DNAH12: variants seen among roughly 807,000 people sequenced by gnomAD.
DNAH12 encodes dynein axonemal heavy chain 12.
Under a neutral mutation model 371.5 loss-of-function variants are expected in DNAH12, and 285 were observed. That is an observed-to-expected ratio of 0.77 (90% CI 0.70 to 0.85). The LOEUF (loss-of-function observed/expected upper bound fraction) is 0.85. DNAH12 is among the 40% of genes least tolerant of loss of function. The pLI, the probability that DNAH12 is intolerant of heterozygous loss-of-function variation, is 0.00. For synonymous variants in DNAH12, 1,200 were observed against 1,213.0 expected, an observed-to-expected ratio of 0.99 and a Z score of 0.22; for missense variants, 3,611 against 3,689.4, an observed-to-expected ratio of 0.98 and a Z score of 0.55.
intron 2 of DNAH12, among the ~76,000 whole-genome samples, chr3:57,527,339 A>T (rs1434655506): frequency 1.3e-5 from 2 of 152,198 alleles, no homozygotes; most frequent in Non-Finnish European, 2.9e-5. Flanking sequence ...TCCAAAAAAC[A>T]AAAACAAAGG....
At chr3:57,504,850 CTTT>C (rs2067691267) in intron 8 of DNAH12, among the ~76,000 whole-genome samples, 1 of 151,718 alleles carries the variant, frequency 6.6e-6, no homozygotes, top group Non-Finnish European at 1.5e-5. Flanking sequence ...ATTCTTTTTT[CTTT>C]TCTTTTTTTC....
At chr3:57,459,811 A>G in intron 19 of DNAH12, 25 bp from the exon 20 acceptor site, 1 of 1,329,410 alleles carries the variant, frequency 7.5e-7, no homozygotes, top group South Asian at 2.2e-5. Flanking sequence ...TACTGCACTA[A>G]ATTCTAGTTA....
At chr3:57,448,167 C>T (rs928784342) in intron 25 of DNAH12, among the ~76,000 whole-genome samples, 2 of 152,168 alleles carry the variant, frequency 1.3e-5, no homozygotes, top group Admixed American at 6.5e-5. Context: ...AATGAAGCCG[C>T]GGACCCTCGA....
At chr3:57,365,080 A>G (rs2063018443) in intron 57 of DNAH12, among the ~76,000 whole-genome samples, 1 of 152,204 alleles carries the variant, frequency 6.6e-6, no homozygotes, top group South Asian at 2.1e-4. Flanking sequence ...AACCAGATAT[A>G]CCATTTGACA....
chr3:57,548,819 TAA>T (rs1287750361), upstream of DNAH12: 1 of 152,198 alleles, frequency 6.6e-6, no homozygotes, highest in Non-Finnish European at 1.5e-5. Context: ...AGTGAAAATT[TAA>T]AAGATTTTAC....
chr3:57,477,914 C>A (rs2066593825), intron 13 of DNAH12, among the ~76,000 whole-genome samples: 1 of 152,098 alleles, frequency 6.6e-6, no homozygotes, highest in Non-Finnish European at 1.5e-5. Context: ...TACACCAAAA[C>A]CCCATCTGTA....
At chr3:57,329,642 A>G (rs1199078730) in intron 62 of DNAH12, among the ~76,000 whole-genome samples, 7 of 148,174 alleles carry the variant, frequency 4.7e-5, no homozygotes, top group African/African-American at 1.5e-4. Flanking sequence ...CATTCAGGAC[A>G]TAGGCATGGT....
chr3:57,508,819 G>C (rs1016794200), intron 6 of DNAH12, among the ~76,000 whole-genome samples: 1 of 152,150 alleles, frequency 6.6e-6, no homozygotes. Context: ...CTGTGCTTTG[G>C]CTCAGTTATC....
At chr3:57,309,283 A>G (rs1042622910) in intron 68 of DNAH12, 29 bp from the exon 69 acceptor site, 2 of 1,497,702 alleles carry the variant, frequency 1.3e-6, no homozygotes, top group Non-Finnish European at 1.8e-6. Flanking sequence ...AAGATCACAA[A>G]TTATTCTCAG....
intron 1 of DNAH12, among the ~76,000 whole-genome samples, chr3:57,543,319 T>TTC (rs2069380196): frequency 7.9e-6 from 1 of 126,654 alleles, no homozygotes; most frequent in South Asian, 2.7e-4. Context: ...TTAATGGTTT[T>TTC]TTTTTTTTTT....
chr3:57,489,831 C>A, intron 11 of DNAH12, 144 bp from the exon 12 acceptor site: 1 of 791,432 alleles, frequency 1.3e-6, no homozygotes. Context: ...TCCCTTGTTG[C>A]ATACATATTT....
chr3:57,338,933 G>C (rs1463067394), intron 60 of DNAH12, among the ~76,000 whole-genome samples: 1 of 152,234 alleles, frequency 6.6e-6, no homozygotes, highest in Non-Finnish European at 1.5e-5. Flanking sequence ...TTGTCGAAAA[G>C]AAAAGGGGGA....
At chr3:57,354,368 A>G (rs2062748564) in intron 59 of DNAH12, among the ~76,000 whole-genome samples, 1 of 152,078 alleles carries the variant, frequency 6.6e-6, no homozygotes, top group South Asian at 2.1e-4. Context: ...GAGGACGGTG[A>G]GGTTCAAAAA....
At chr3:57,402,362 G>A in intron 43 of DNAH12, 1 of 1,299,902 alleles carries the variant, frequency 7.7e-7, no homozygotes, top group South Asian at 1.2e-5. Flanking sequence ...AGACCCCTAG[G>A]CATATAAGGA....
chr3:57,309,584 C>G, intron 68 of DNAH12, 82 bp downstream of exon 68: 1 of 1,257,866 alleles, frequency 7.9e-7, no homozygotes, highest in Non-Finnish European at 1.0e-6. Flanking sequence ...GATCATAATG[C>G]TAGTACATGG....
intron 2 of DNAH12, among the ~76,000 whole-genome samples, chr3:57,531,368 C>A (rs539596872): frequency 1.4e-3 from 213 of 152,122 alleles, no homozygotes; most frequent in Non-Finnish European, 2.1e-3. Flanking sequence ...CCACTGAAGT[C>A]TGCTGCCAGA....
chr3:57,345,479 G>C (rs77236966), intron 60 of DNAH12, among the ~76,000 whole-genome samples: 11 of 152,030 alleles, frequency 7.2e-5, no homozygotes, highest in African/African-American at 2.4e-4. Flanking sequence ...AAAAATACAC[G>C]AGAACCATGA....
chr3:57,449,650 C>T (rs1159246991), intron 25 of DNAH12, among the ~76,000 whole-genome samples: 4 of 152,300 alleles, frequency 2.6e-5, no homozygotes, highest in African/African-American at 7.2e-5. Flanking sequence ...GTGCGGGGCC[C>T]GCCAAGCCCA....
chr3:57,401,745 CA>C (rs1201118909), intron 43 of DNAH12, among the ~76,000 whole-genome samples: 6 of 147,330 alleles, frequency 4.1e-5, no homozygotes, highest in African/African-American at 5.0e-5. Flanking sequence ...AAGATCAATA[CA>C]AAAAAAAAGA....
Sources: gnomAD v4.1 joint callset for allele counts (sites outside exome capture counted in the v4.1 genomes callset) on GRCh38, gnomAD v4.1.1 for gene constraint, MANE v1.5 for transcripts, NCBI Gene and HGNC (gene_info 2026-07-23, HGNC 2026-07-21) for gene names.